FBXL18: variants seen among roughly 807,000 people sequenced by gnomAD.
FBXL18 encodes the protein F-box and leucine rich repeat protein 18.
FBXL18 carries 36 observed loss-of-function variants against 46.0 expected under a neutral mutation model. The observed-to-expected ratio is 0.78, with a 90% CI of 0.60 to 1.03. The LOEUF (loss-of-function observed/expected upper bound fraction) is 1.03, where lower values mean the gene tolerates loss of function less well. Ranked by LOEUF, FBXL18 falls within the 50% of genes least tolerant of loss-of-function variation. The pLI is 0.00. For synonymous variants in FBXL18, 557 were observed against 465.3 expected, an observed-to-expected ratio of 1.20 and a Z score of -2.54; for missense variants, 977 against 1,004.1, an observed-to-expected ratio of 0.97 and a Z score of 0.36.
rs534812813 is a variant in FBXL18 at position 5,499,175 on chromosome 7, C to G, written c.1781+1313G>C. ...TCTGTGGTCCCCCTCCTGAGCCGAC[C>G]TCTCCTGTCTCCTCCATCCTGTGCC... On this transcript the variant is annotated intron_variant, in intron 3 of 4. Transcript: ENST00000382368. Among the ~76,000 whole-genome samples the G allele has an allele frequency of 9.2e-5, 14 of 152,256 alleles. No homozygotes were observed. The South Asian group carries it at 2.9e-3, about 32-fold the overall frequency.
chr7:5,463,741 T>A (rs1462624309), intron 4 of FBXL18, among the ~76,000 whole-genome samples: 1,219 of 45,800 alleles, frequency 0.027, 25 homozygotes, highest in Middle Eastern at 0.071. Flanking sequence ...TTTTTTTTTT[T>A]TTTTTTTTTT....
Position 5,478,622 on chromosome 7 carries a change from T to A in FBXL18, c.*3153A>T, listed in dbSNP as rs1054315149. 1 of 152,332 alleles carries A rather than the reference T, an allele frequency of 6.6e-6. No homozygotes were observed. Among genetic ancestry groups the A allele is most frequent in the Non-Finnish European group, 1.5e-5 (1 of 68,136 alleles). The allele number at this position is 152,332 out of a possible 1,614,324, so 9.4% of individuals were successfully genotyped here. A position where few individuals can be genotyped will look rare whatever the true frequency, so the allele number is the denominator to read the frequency against. Reference sequence around the variant, plus strand: ...CCCTTTTAAAGAACAAAGGGATACATACCCTTTCCCCTCCTCCCTCCCTCC... The same window carrying A: ...CCCTTTTAAAGAACAAAGGGATACAAACCCTTTCCCCTCCTCCCTCCCTCC... On this transcript the variant is annotated 3_prime_UTR_variant, in exon 5 of 5. Transcript: ENST00000382368.
rs1250863687 is a variant in FBXL18 at position 5,505,536 on chromosome 7, T to A, written c.113A>T (p.His38Leu). 6.2e-7 allele frequency: 1 copy of A among 1,614,054 alleles called. No homozygotes were observed. ...TGTGCTGGGGACGTGACTCAGGATGTGAAGGAGGATCTCATCAGAGAACCC... is the reference window on the plus strand; with the variant it reads ...TGTGCTGGGGACGTGACTCAGGATGAGAAGGAGGATCTCATCAGAGAACCC... ...LLGFSDEILLHILSHVPSTDL... is the reference protein window; with the variant it reads ...LLGFSDEILLLILSHVPSTDL... Residue 38 changes from histidine to leucine, a missense_variant, in exon 2 of 5, where the codon CAC becomes CTC. By Grantham distance (99) the His-to-Leu change is moderately conservative. Transcript: ENST00000382368.
chr7:5,456,210 C>T (rs557743660), intron 4 of FBXL18, among the ~76,000 whole-genome samples: 159 of 152,318 alleles, frequency 1.0e-3, no homozygotes, highest in African/African-American at 3.6e-3. Context: ...TGCTCCCATC[C>T]CTGGTCCTTT....
At chr7:5,507,098 T>A (rs1431664123) in intron 1 of FBXL18, among the ~76,000 whole-genome samples, 1 of 151,944 alleles carries the variant, frequency 6.6e-6, no homozygotes, top group Admixed American at 6.6e-5. Context: ...CCCGGAATCA[T>A]CTCCACTACA....
At chr7:5,483,145 G>C (rs899600424) in intron 4 of FBXL18, among the ~76,000 whole-genome samples, 1 of 151,848 alleles carries the variant, frequency 6.6e-6, no homozygotes, top group South Asian at 2.1e-4. Context: ...CAGAGAGGAA[G>C]ACAAAAACAT....
Position 5,513,659 on chromosome 7 carries a change from C to T in FBXL18, c.16G>A (p.Glu6Lys). 6.2e-7 allele frequency: 1 copy of T among 1,610,982 alleles called. No homozygotes were observed. The highest frequency in any genetic ancestry group is 1.1e-5 in the South Asian group (1 of 90,662). The stretch of plus-strand genomic sequence containing the variant: ...GCGGAGACAGTCGCGGACAGTACCT[C>T]TCCGGAGCTGGCCATGTCGCCGGCG... MASSG[E>K]DISNDDDDMH... The change falls in exon 1 of 5, where the codon GAG (glutamate) becomes AAG (lysine). Residue 6 changes from glutamate (E) to lysine (K), a missense_variant and splice_region_variant. Physicochemically the swap from Glu to Lys is moderately conservative, Grantham distance 56. Coordinates refer to ENST00000382368, the MANE Select transcript of FBXL18 (RefSeq NM_024963.6).
chr7:5,476,950 C>G lies in FBXL18; in HGVS notation c.*4825G>C, dbSNP rs934075001. On this transcript the variant is annotated 3_prime_UTR_variant, in exon 5 of 5. Transcript: ENST00000382368. Reference sequence around the variant, plus strand: ...TCGCCCAGGCTGGAATGCAGTGGTGCGATCTCAGCTCACTGCAAGCTCCGC... The same window carrying G: ...TCGCCCAGGCTGGAATGCAGTGGTGGGATCTCAGCTCACTGCAAGCTCCGC... 14 of 151,210 alleles carry G rather than the reference C, an allele frequency of 9.3e-5. No homozygotes were observed. Among genetic ancestry groups the G allele is most frequent in the African/African-American group, 3.4e-4 (14 of 41,106 alleles). The allele number at this position is 151,210 out of a possible 1,614,324, so 9.4% of individuals were successfully genotyped here.
At chr7:5,468,307 CGGGAT>C (rs1783376567) in intron 4 of FBXL18, among the ~76,000 whole-genome samples, 1 of 151,758 alleles carries the variant, frequency 6.6e-6, no homozygotes, top group Non-Finnish European at 1.5e-5. Context: ...TTAGTAGAAA[CGGGAT>C]TTCACTGTGT....
In FBXL18 at chr7:5,512,167, C is replaced by T. The variant is rs573020099; in HGVS notation, c.18+1490G>A. Among the ~76,000 whole-genome samples the T allele has an allele frequency of 2.0e-5, 3 of 150,952 alleles. No individual in the cohort carries two copies. The South Asian group carries it at 6.3e-4, about 32-fold the overall frequency. ...GGCTGAGGCAGAAGAATGGCATGAACCCGGGAGGCGGAGCTTGCAATGAGC... is the reference window on the plus strand; with the variant it reads ...GGCTGAGGCAGAAGAATGGCATGAATCCGGGAGGCGGAGCTTGCAATGAGC... On this transcript the variant is annotated intron_variant, in intron 1 of 4. Transcript: ENST00000382368.
At chr7:5,462,757 C>T (rs1783265969) in intron 4 of FBXL18, among the ~76,000 whole-genome samples, 1 of 151,198 alleles carries the variant, frequency 6.6e-6, no homozygotes, top group South Asian at 2.1e-4. Context: ...TCAGACCACC[C>T]TGGCTAACAT....
At chr7:5,511,773 A>G (rs960599043) in intron 1 of FBXL18, among the ~76,000 whole-genome samples, 3 of 151,316 alleles carry the variant, frequency 2.0e-5, no homozygotes, top group Non-Finnish European at 4.4e-5. Context: ...ATCTCAAAAA[A>G]AAAAAAAAGG....
Position 5,505,484 on chromosome 7 carries a change from G to A in FBXL18, c.165C>T (p.Thr55=), listed in dbSNP as rs1184740288. The A allele has an allele frequency of 1.2e-6, 2 of 1,614,178 alleles. No homozygotes were observed. The highest frequency in any genetic ancestry group is 1.1e-5 in the South Asian group (1 of 91,090). ...GGCACAGGGCTGCAAGCTTCCGACAGGTACGCCGGACGTTCAGAATCAGAT... is the reference window on the plus strand; with the variant it reads ...GGCACAGGGCTGCAAGCTTCCGACAAGTACGCCGGACGTTCAGAATCAGAT... ...STDLILNVRR[T]CRKLAALCLD... The change falls in exon 2 of 5, where the codon ACC becomes ACT. Residue 55 remains threonine (T), a synonymous_variant. Transcript: ENST00000382368.
At chr7:5,484,063 G>A (rs1783713014) in intron 4 of FBXL18, among the ~76,000 whole-genome samples, 1 of 152,160 alleles carries the variant, frequency 6.6e-6, no homozygotes, top group Non-Finnish European at 1.5e-5. Context: ...CCATGACCGT[G>A]AACACCACGG....
chr7:5,510,511 G>A (rs982765571), intron 1 of FBXL18, among the ~76,000 whole-genome samples: 5 of 151,470 alleles, frequency 3.3e-5, no homozygotes, highest in South Asian at 2.1e-4. Flanking sequence ...GTGAAACCCC[G>A]TTTCCACTAA....
At position 5,491,405 on chromosome 7, in the gene FBXL18, G is replaced by A. The variant is rs868845491; in HGVS notation, c.1826C>T (p.Ala609Val). Residue 609 changes from alanine (A) to valine (V), a missense_variant, in exon 4 of 5, where the codon GCG becomes GTG. By Grantham distance (64) the Ala-to-Val change is moderately conservative. Transcript: ENST00000382368. ...YFSANAQFFQ[A>V]LSQCPSLQRL... ...CTGCAGCGAGGGGCACTGGCTCAGC[G>A]CCTGGAAGAACTGGGCGTTGGCGCT... 8.1e-6 allele frequency: 13 copies of A among 1,603,828 alleles called. No homozygotes were observed. In the Middle Eastern group the frequency reaches 1.2e-3, roughly 143 times the overall value.
intron 4 of FBXL18, among the ~76,000 whole-genome samples, chr7:5,482,863 T>G (rs1783683543): frequency 6.6e-6 from 1 of 150,706 alleles, no homozygotes; most frequent in South Asian, 2.1e-4. Context: ...TAGGGAGACT[T>G]TGTCTCTATA....
At chr7:5,468,124 A>G (rs1783370952) in intron 4 of FBXL18, among the ~76,000 whole-genome samples, 1 of 152,044 alleles carries the variant, frequency 6.6e-6, no homozygotes, top group South Asian at 2.1e-4. Flanking sequence ...CTGGGACTAC[A>G]GGCGCCCGCC....
At chr7:5,510,302 C>CAAA (rs757878539) in intron 1 of FBXL18, among the ~76,000 whole-genome samples, 1 of 77,594 alleles carries the variant, frequency 1.3e-5, no homozygotes, top group Non-Finnish European at 2.4e-5. Context: ...GACTCTGTCT[C>CAAA]AAAAAAAAAA....
Sources: allele counts gnomAD v4.1 joint callset (sites outside exome capture counted in the v4.1 genomes callset), GRCh38; gene constraint gnomAD v4.1.1; transcripts MANE v1.5; gene names NCBI Gene and HGNC (gene_info 2026-07-23, HGNC 2026-07-21).